Variants in NPRL3 observed in about 807,000 individuals in gnomAD.
NPRL3 encodes the protein NPR3 like, GATOR1 complex subunit, also known as GATOR1 complex protein NPRL3.
Under a neutral mutation model 57.2 loss-of-function variants are expected in NPRL3, and 23 were observed. That is an observed-to-expected ratio of 0.40 (90% CI 0.29 to 0.57). The LOEUF (loss-of-function observed/expected upper bound fraction) is 0.57, where lower values mean the gene tolerates loss of function less well. NPRL3 is among the 20% of genes least tolerant of loss of function. The pLI is 0.42. For missense variants in NPRL3, 691 were observed against 767.1 expected, an observed-to-expected ratio of 0.90 and a Z score of 1.17; for synonymous variants, 333 against 321.1, an observed-to-expected ratio of 1.04 and a Z score of -0.39.
Position 86,768 on chromosome 16 carries a change from G to C in NPRL3, c.1647C>G (p.Ser549Arg), listed in dbSNP as rs1191944943. The change falls in exon 14 of 14, where the codon AGC (serine) becomes AGG (arginine). Residue 549 changes from serine to arginine, a missense_variant. Physicochemically the swap from Ser to Arg is moderately radical, Grantham distance 110. Transcript: ENST00000611875. ...QLLMLFDKFR[S>R]VLVVTTHEDP... The stretch of plus-strand genomic sequence containing the variant: ...CCTCGTGGGTGGTCACCACCAGCAC[G>C]CTGCGGAACTTGTCAAACAGCATGA... 2.5e-6 allele frequency: 4 copies of C among 1,597,528 alleles called. No individual in the cohort carries two copies. Among genetic ancestry groups the C allele is most frequent in the East Asian group, 2.3e-5 (1 of 43,946 alleles).
intron 3 of NPRL3, among the ~76,000 whole-genome samples, chr16:120,065 C>T (rs986547935): frequency 6.6e-6 from 1 of 152,130 alleles, no homozygotes; most frequent in African/African-American, 2.4e-5. Context: ...GTGTCACCTG[C>T]AGGGGTGCTG....
chr16:119,853 A>G (rs933688508), intron 3 of NPRL3, among the ~76,000 whole-genome samples: 3 of 152,246 alleles, frequency 2.0e-5, no homozygotes, highest in African/African-American at 7.2e-5. Flanking sequence ...TTTGTGCAAG[A>G]TGTGCAAGCC....
chr16:105,974 C>G (rs1293020581), intron 7 of NPRL3, among the ~76,000 whole-genome samples: 1 of 152,206 alleles, frequency 6.6e-6, no homozygotes, highest in Admixed American at 6.5e-5. Flanking sequence ...AGGACAGGGC[C>G]ACCAGGCTAT....
At position 95,346 on chromosome 16, in the gene NPRL3, TATATACACACAC is replaced by T. The variant is rs1251807253; in HGVS notation, c.925-2033_925-2022del. Among the ~76,000 whole-genome samples, 12 of 46,394 alleles carry T rather than the reference TATATACACACAC, an allele frequency of 2.6e-4. No homozygotes were observed. In the South Asian group the frequency reaches 3.5e-3, roughly 14 times the overall value. The allele number at this position is 46,394 out of a possible 152,430, so 30.4% of individuals were successfully genotyped here. On this transcript the variant is annotated intron_variant, in intron 9 of 13. Transcript: ENST00000611875. The stretch of plus-strand genomic sequence containing the variant: ...GTGTGTATATATATATATATATATA[TATATACACACAC>T]ACACACACACACACACACACACACA...
At chr16:107,594 CAAAAAAAAA>C (rs11309723) in intron 7 of NPRL3, among the ~76,000 whole-genome samples, 1 of 130,718 alleles carries the variant, frequency 7.7e-6, no homozygotes, top group Admixed American at 7.5e-5. Context: ...TATTCCATCT[CAAAAAAAAA>C]AAAAAAAAAG....
At chr16:101,426 A>G (rs561661000) in intron 7 of NPRL3, among the ~76,000 whole-genome samples, 2 of 152,332 alleles carry the variant, frequency 1.3e-5, no homozygotes, top group African/African-American at 4.8e-5. Context: ...GCCAGCCCCA[A>G]CACTTCACTA....
At chr16:106,629 TAAAAAA>T (rs763058746) in intron 7 of NPRL3, among the ~76,000 whole-genome samples, 6 of 60,052 alleles carry the variant, frequency 1.0e-4, no homozygotes, top group Admixed American at 2.8e-4. Context: ...TGCCTTAAAT[TAAAAAA>T]AAAAAAAAAA....
rs776084653 is a variant in NPRL3 at position 93,333 on chromosome 16, C to CA, written c.925-9dup. 49 of 1,537,974 alleles carry CA rather than the reference C, an allele frequency of 3.2e-5. No individual in the cohort carries two copies. Among genetic ancestry groups the CA allele is most frequent in the Middle Eastern group, 1.7e-4 (1 of 5,976 alleles). ...AGCTGCAAGCTGGAAAACCTGCAGG[C>CA]AAAAGGGAAGCTGCAAGGACCATGC... On this transcript the variant is annotated splice_polypyrimidine_tract_variant and intron_variant, in intron 9 of 13. Coordinates refer to ENST00000611875, the MANE Select transcript of NPRL3 (RefSeq NM_001077350.3).
At chr16:109,596 A>G (rs1442282693) in intron 7 of NPRL3, among the ~76,000 whole-genome samples, 2 of 152,278 alleles carry the variant, frequency 1.3e-5, no homozygotes, top group African/African-American at 2.4e-5. Flanking sequence ...CTGTTTTAAG[A>G]GGAGTCTGGA....
intron 3 of NPRL3, among the ~76,000 whole-genome samples, chr16:129,367 A>T (rs368838080): frequency 6.6e-6 from 1 of 152,198 alleles, no homozygotes; most frequent in African/African-American, 2.4e-5. Context: ...TTTAAAGGGC[A>T]AGACAACCAC....
chr16:100,288 G>A, intron 8 of NPRL3, 84 bp downstream of exon 8: 2 of 1,339,928 alleles, frequency 1.5e-6, no homozygotes, highest in Non-Finnish European at 1.9e-6. Context: ...AGAAATTTTG[G>A]AACAAAGTAA....
At chr16:133,657 C>A (rs1378991917) in intron 2 of NPRL3, among the ~76,000 whole-genome samples, 2 of 152,222 alleles carry the variant, frequency 1.3e-5, no homozygotes, top group African/African-American at 4.8e-5. Context: ...AGGTGCAGGC[C>A]TGGCTTGGAG....
At chr16:130,476 T>A in intron 3 of NPRL3, 46 bp downstream of exon 3, 1 of 1,524,788 alleles carries the variant, frequency 6.6e-7, no homozygotes, top group Non-Finnish European at 8.8e-7. Context: ...TGCCCAGGCC[T>A]GGGACCAGGA....
intron 7 of NPRL3, among the ~76,000 whole-genome samples, chr16:104,116 A>G (rs1011720175): frequency 2.0e-5 from 3 of 150,316 alleles, no homozygotes; most frequent in African/African-American, 4.9e-5. Flanking sequence ...ACAAAAGTGA[A>G]ACTCCATCTC....
At chr16:124,540 G>A (rs1448933740) in intron 3 of NPRL3, among the ~76,000 whole-genome samples, 1 of 152,024 alleles carries the variant, frequency 6.6e-6, no homozygotes, top group African/African-American at 2.4e-5. Flanking sequence ...TCATCTGCAT[G>A]ACAAGAAATC....
intron 6 of NPRL3, among the ~76,000 whole-genome samples, chr16:110,902 AC>A (rs1567139042): frequency 6.6e-6 from 1 of 152,152 alleles, no homozygotes; most frequent in Non-Finnish European, 1.5e-5. Flanking sequence ...GTGAGCTACC[AC>A]ATCCAGCCAA....
At chr16:134,725 G>T (rs1395900144) in intron 2 of NPRL3, among the ~76,000 whole-genome samples, 4 of 125,048 alleles carry the variant, frequency 3.2e-5, no homozygotes, top group African/African-American at 1.3e-4. Context: ...TTTTTGAGAC[G>T]GAGTCTCGCT....
intron 3 of NPRL3, among the ~76,000 whole-genome samples, chr16:128,049 T>C (rs1158756305): frequency 6.6e-6 from 1 of 150,598 alleles, no homozygotes; most frequent in East Asian, 2.0e-4. Flanking sequence ...TGGAGTGCAG[T>C]GGCGTGATCT....
rs9926112 is a variant in NPRL3 at position 130,720 on chromosome 16, A to G, written c.119-129T>C. The G allele has an allele frequency of 5.0e-3, 4,237 of 844,604 alleles. 131 individuals carry two copies. In the African/African-American group the frequency reaches 0.064, roughly 13 times the overall value. 52.3% of individuals were successfully genotyped at this position (844,604 alleles called of 1,614,324 possible). A position where few individuals can be genotyped will look rare whatever the true frequency, so the allele number is the denominator to read the frequency against. On this transcript the variant is annotated intron_variant, in intron 2 of 13. Coordinates refer to ENST00000611875, the MANE Select transcript of NPRL3 (RefSeq NM_001077350.3). ...GTCCATACCATGGAATATTACTCAG[A>G]CATAAAAAGGAATGAACATGGGTGA...
Sources: allele counts gnomAD v4.1 joint callset (sites outside exome capture counted in the v4.1 genomes callset), GRCh38; gene constraint gnomAD v4.1.1; transcripts MANE v1.5; gene names NCBI Gene and HGNC (gene_info 2026-07-23, HGNC 2026-07-21).